COL28A1: variants seen among roughly 807,000 people sequenced by gnomAD.
COL28A1 encodes collagen type XXVIII alpha 1 chain.
Under a neutral mutation model 150.2 loss-of-function variants are expected in COL28A1, and 161 were observed. The ratio of observed to expected loss-of-function variants is 1.07; its 90% confidence interval spans 0.94 to 1.22. The LOEUF (loss-of-function observed/expected upper bound fraction) is 1.22. COL28A1 is among the 50% of genes most tolerant of loss of function. COL28A1 has a pLI of 0.00. For missense variants in COL28A1, 1,617 were observed against 1,388.3 expected (o/e 1.16, Z -2.62); for synonymous variants, 552 against 469.7 (o/e 1.18, Z -2.26).
rs190214199 is a variant in COL28A1 at position 7,502,606 on chromosome 7, T to C, written c.1026+3408A>G. On this transcript the variant is annotated intron_variant, in intron 11 of 34. Transcript: ENST00000399429. ...TGCAAATGTTGCAAGTTTAAAGGTT[T>C]CTATTTTAAGGTCTTATATGAAATA... 3.3e-3 allele frequency among the ~76,000 whole-genome samples: 510 copies of C among 152,290 alleles called. 3 individuals carry two copies. Among genetic ancestry groups the C allele is most frequent in the African/African-American group, 0.011 (453 of 41,560 alleles).
chr7:7,533,787 GGGA>G (rs957856149), intron 1 of COL28A1, among the ~76,000 whole-genome samples: 6 of 152,106 alleles, frequency 3.9e-5, no homozygotes, highest in Admixed American at 1.3e-4. Context: ...AGATTTCCCT[GGGA>G]GGAGAAGACT....
chr7:7,456,397 T>C (rs994493338), intron 15 of COL28A1, among the ~76,000 whole-genome samples: 2 of 152,186 alleles, frequency 1.3e-5, no homozygotes, highest in African/African-American at 4.8e-5. Context: ...ATAGTTGTTA[T>C]GACACAAACA....
At chr7:7,353,475 T>C (rs552638420), downstream of COL28A1, among the ~76,000 whole-genome samples, 4 of 151,716 alleles carry the variant, frequency 2.6e-5, no homozygotes, top group South Asian at 8.3e-4. Context: ...TACAGAAATG[T>C]ATAAATACTA....
intron 15 of COL28A1, among the ~76,000 whole-genome samples, chr7:7,459,504 C>T (rs1787434573): frequency 6.6e-6 from 1 of 152,160 alleles, no homozygotes; most frequent in Non-Finnish European, 1.5e-5. Context: ...ATATAATATA[C>T]AATATAATTA....
intron 15 of COL28A1, among the ~76,000 whole-genome samples, chr7:7,471,970 A>G (rs573985685): frequency 1.1e-4 from 16 of 152,304 alleles, no homozygotes; most frequent in Middle Eastern, 6.8e-3. Flanking sequence ...AAAATCCAGC[A>G]TCCCTTTATG....
At position 7,373,299 on chromosome 7, in the gene COL28A1, C is replaced by T; in HGVS notation, c.2607G>A (p.Gln869=). ...CTGTGTATGTGCCTTCCCCCAGATA[C>T]TGCATGTTGTCCACAGCCAACTTGA... is the stretch of plus-strand genomic sequence containing the variant. The part of the protein sequence containing the change: ...DDFKLAVDNM[Q]YLGEGTYTAT... Residue 869 remains glutamine (Q), a synonymous_variant, in exon 32 of 35, where the codon CAG becomes CAA. Transcript: ENST00000399429. The surrounding 1 kb of genome is among the most constrained non-coding windows in gnomAD (Gnocchi z 4.1). 4 of 1,614,210 alleles carry T rather than the reference C, an allele frequency of 2.5e-6. No individual in the cohort carries two copies. Among genetic ancestry groups the T allele is most frequent in the Non-Finnish European group, 3.4e-6 (4 of 1,180,040 alleles).
chr7:7,527,915 T>C (rs1227984374), intron 3 of COL28A1, among the ~76,000 whole-genome samples: 1 of 151,944 alleles, frequency 6.6e-6, no homozygotes, highest in Non-Finnish European at 1.5e-5. Flanking sequence ...ACAAACCCTG[T>C]GACAAAAAAA....
rs867690623 is a variant in COL28A1 at position 7,440,788 on chromosome 7, A to G, written c.1722+2T>C. 5.8e-6 allele frequency: 8 copies of G among 1,375,052 alleles called. No individual in the cohort carries two copies. In the African/African-American group the frequency reaches 1.1e-4, roughly 20 times the overall value. 85.2% of individuals were successfully genotyped at this position (1,375,052 alleles called of 1,614,324 possible). A position where few individuals can be genotyped will look rare whatever the true frequency, so the allele number is the denominator to read the frequency against. ...GCGTAAGTCAGAATACAAGAAACATACCTTTGGTCCTTCGGGCCCTGGAAG... is the reference window on the plus strand; with the variant it reads ...GCGTAAGTCAGAATACAAGAAACATGCCTTTGGTCCTTCGGGCCCTGGAAG... On this transcript the variant is annotated splice_donor_variant, in intron 21 of 34. Transcript: ENST00000399429. LOFTEE classifies it high-confidence loss of function.
At position 7,432,666 on chromosome 7, in the gene COL28A1, G is replaced by T; in HGVS notation, c.1895C>A (p.Pro632Gln). 1.2e-6 allele frequency: 2 copies of T among 1,613,928 alleles called. No homozygotes were observed. The highest frequency in any genetic ancestry group is 1.7e-6 in the Non-Finnish European group (2 of 1,179,976). Residue 632 changes from proline (P) to glutamine (Q), a missense_variant, in exon 24 of 35, where the codon CCA (proline) becomes CAA (glutamine). Physicochemically the swap from Pro to Gln is moderately conservative, Grantham distance 76. Coordinates refer to ENST00000399429, the MANE Select transcript of COL28A1 (RefSeq NM_001037763.3). ...VQGPRGPVGA[P>Q]GLKGDGYPGV... Reference sequence around the variant, plus strand: ...AGGATAGCCATCACCTTTGAGTCCTGGAGCACCCACTGGTCCCCGAGGGCC... The same window carrying T: ...AGGATAGCCATCACCTTTGAGTCCTTGAGCACCCACTGGTCCCCGAGGGCC...
intron 18 of COL28A1, among the ~76,000 whole-genome samples, chr7:7,447,556 G>A (rs1786356941): frequency 1.3e-5 from 2 of 151,874 alleles, no homozygotes; most frequent in Admixed American, 1.3e-4. Context: ...AGAATTAGGA[G>A]GTAAGAACAT....
chr7:7,430,424 G>C (rs768263991), intron 25 of COL28A1, among the ~76,000 whole-genome samples: 33 of 152,122 alleles, frequency 2.2e-4, no homozygotes, highest in Non-Finnish European at 4.3e-4. Context: ...ACCACACCTG[G>C]CTAGTTTTTT....
intron 27 of COL28A1, among the ~76,000 whole-genome samples, chr7:7,386,408 G>T (rs1782186735): frequency 6.6e-6 from 1 of 152,174 alleles, no homozygotes; most frequent in Non-Finnish European, 1.5e-5. Context: ...AACAAAAAAT[G>T]AGAACTAATC....
chr7:7,428,684 G>A (rs1219680442), intron 25 of COL28A1, among the ~76,000 whole-genome samples: 4 of 152,234 alleles, frequency 2.6e-5, no homozygotes, highest in Non-Finnish European at 5.9e-5. Context: ...CCAGGAGATT[G>A]GATCCAGGAG....
At chr7:7,382,680 G>A (rs1305779386) in intron 27 of COL28A1, among the ~76,000 whole-genome samples, 2 of 152,014 alleles carry the variant, frequency 1.3e-5, no homozygotes, top group South Asian at 2.1e-4. Flanking sequence ...GAAGGACCAC[G>A]GGCTCCTCGG....
chr7:7,466,193 GT>G (rs1788066387), intron 15 of COL28A1, among the ~76,000 whole-genome samples: 1 of 111,858 alleles, frequency 8.9e-6, no homozygotes, highest in Non-Finnish European at 1.8e-5. Flanking sequence ...AGGCAAAGAA[GT>G]TGAAAACTTT....
intron 15 of COL28A1, among the ~76,000 whole-genome samples, chr7:7,474,348 G>A (rs1788701217): frequency 6.6e-6 from 1 of 151,996 alleles, no homozygotes; most frequent in Non-Finnish European, 1.5e-5. Flanking sequence ...AGTGTATACT[G>A]CTTGGGTGAT....
At chr7:7,448,274 A>T (rs1786420319) in intron 18 of COL28A1, among the ~76,000 whole-genome samples, 1 of 152,204 alleles carries the variant, frequency 6.6e-6, no homozygotes, top group Non-Finnish European at 1.5e-5. Flanking sequence ...AGAACCCATG[A>T]TGTACAGGAA....
chr7:7,388,226 T>TCCCAG lies in COL28A1; in HGVS notation c.2137-6615_2137-6614insCTGGG, dbSNP rs1159657453. On this transcript the variant is annotated intron_variant, in intron 27 of 34. Coordinates refer to ENST00000399429, the MANE Select transcript of COL28A1 (RefSeq NM_001037763.3). Reference sequence around the variant, plus strand: ...CCCTCCCTGTACCCATGTGTTCTCATTTTTCAACTCCCAGTTATGAGTGAG... The same window carrying TCCCAG: ...CCCTCCCTGTACCCATGTGTTCTCATCCCAGTTTTCAACTCCCAGTTATGAGTGAG... Among the ~76,000 whole-genome samples the TCCCAG allele has an allele frequency of 6.7e-4, 102 of 152,096 alleles. 1 individual carries two copies. The South Asian group carries it at 8.4e-3, about 12-fold the overall frequency.
At chr7:7,540,561 C>T (rs185847603), upstream of COL28A1, among the ~76,000 whole-genome samples, 1,556 of 152,312 alleles carry the variant, frequency 0.01, 17 homozygotes, top group Non-Finnish European at 0.018. Flanking sequence ...AAATTTAGGT[C>T]TTTGTGCATC....
Sources: gnomAD v4.1 joint callset for allele counts (sites outside exome capture counted in the v4.1 genomes callset) on GRCh38, gnomAD v4.1.1 for gene constraint, Gnocchi (gnomAD v3.1) non-coding constraint, MANE v1.5 for transcripts, NCBI Gene and HGNC (gene_info 2026-07-23, HGNC 2026-07-21) for gene names.